The following BBS9 variants were observed in gnomAD, a reference collection of about 807,000 sequenced individuals.
The protein encoded by BBS9 is protein PTHB1.
A neutral mutation model predicts 117.7 loss-of-function variants in BBS9; 89 were observed. The ratio of observed to expected loss-of-function variants is 0.76; its 90% confidence interval spans 0.64 to 0.90. The LOEUF is 0.90. Among genes scored for constraint, BBS9 ranks in the 40% least tolerant of loss-of-function variants. BBS9 has a pLI of 0.00. For synonymous variants in BBS9, 379 were observed against 370.9 expected (o/e 1.02, Z -0.25); for missense variants, 982 against 1,042.2 (o/e 0.94, Z 0.80).
Position 33,152,818 on chromosome 7 carries a change from C to T in BBS9, c.230C>T (p.Pro77Leu), listed in dbSNP as rs1454089841. Residue 77 changes from proline to leucine, a missense_variant, in exon 3 of 23, where the codon CCA becomes CTA. Coordinates refer to ENST00000242067, the MANE Select transcript of BBS9 (RefSeq NM_198428.3). ...CTTCTAGAAGTGGATCTACGAGATC[C>T]AGTACTTCAAGTGGAAGTAGGAAAG... ...DLLLEVDLRD[P>L]VLQVEVGKFV... 4 of 1,613,786 alleles carry T rather than the reference C, an allele frequency of 2.5e-6. No homozygotes were observed. Among genetic ancestry groups the T allele is most frequent in the Non-Finnish European group, 3.4e-6 (4 of 1,179,960 alleles).
In BBS9 at chr7:33,240,640, A is replaced by G. The variant is rs530413238; in HGVS notation, c.443-16596A>G. ...AAGATAGTTTATTGAGTTCCATGAA[A>G]AAAATTGTTTTAGAATATTATTTGG... is the stretch of plus-strand genomic sequence containing the variant. On this transcript the variant is annotated intron_variant, in intron 5 of 22. Coordinates refer to ENST00000242067, the MANE Select transcript of BBS9 (RefSeq NM_198428.3). Among the ~76,000 whole-genome samples, 229 of 152,364 alleles carry G rather than the reference A, an allele frequency of 1.5e-3. 1 individual carries two copies. Among genetic ancestry groups the G allele is most frequent in the African/African-American group, 5.0e-3 (210 of 41,594 alleles).
At position 33,605,589 on chromosome 7, in the gene BBS9, T is replaced by C. The variant is rs1435321492; in HGVS notation, c.*363T>C. 1 of 290,192 alleles carries C rather than the reference T, an allele frequency of 3.4e-6. No individual in the cohort carries two copies. The highest frequency in any genetic ancestry group is 6.6e-6 in the Non-Finnish European group (1 of 152,088). 18.0% of individuals were successfully genotyped at this position (290,192 alleles called of 1,614,324 possible). ...CCCATTTTTTCACAGAATTCTTATATAGTAAATGTATCAAGTTTAATAAAG... is the reference window on the plus strand; with the variant it reads ...CCCATTTTTTCACAGAATTCTTATACAGTAAATGTATCAAGTTTAATAAAG... On this transcript the variant is annotated 3_prime_UTR_variant, in exon 23 of 23. Transcript: ENST00000242067.
intron 21 of BBS9, among the ~76,000 whole-genome samples, chr7:33,575,488 A>G (rs753532799): frequency 1.3e-5 from 2 of 152,174 alleles, no homozygotes; most frequent in Non-Finnish European, 2.9e-5. Context: ...TACAGAAAGG[A>G]GCTGTTACCA....
intron 5 of BBS9, among the ~76,000 whole-genome samples, chr7:33,206,971 T>C (rs1344602250): frequency 6.6e-6 from 1 of 152,064 alleles, no homozygotes; most frequent in Non-Finnish European, 1.5e-5. Context: ...TACCATTAAA[T>C]TTTTTTTCTC....
At chr7:33,598,933 T>C (rs557747346) in intron 21 of BBS9, among the ~76,000 whole-genome samples, 6 of 152,308 alleles carry the variant, frequency 3.9e-5, no homozygotes, top group African/African-American at 1.4e-4. Flanking sequence ...CCAACACCTG[T>C]TTTAGTAAAT....
At chr7:33,426,299 C>T (rs1833650299) in intron 19 of BBS9, among the ~76,000 whole-genome samples, 2 of 152,314 alleles carry the variant, frequency 1.3e-5, no homozygotes, top group South Asian at 2.1e-4. Context: ...TTGCTAAGCA[C>T]TTTACCTACA....
intron 5 of BBS9, among the ~76,000 whole-genome samples, chr7:33,179,870 A>G (rs76687041): frequency 1.1e-4 from 17 of 152,300 alleles, no homozygotes; most frequent in East Asian, 9.6e-4. Context: ...TGTTGGATAC[A>G]CTGAGTTCTC....
chr7:33,364,827 C>T (rs1436555409), intron 16 of BBS9, among the ~76,000 whole-genome samples: 1 of 150,840 alleles, frequency 6.6e-6, no homozygotes, highest in Non-Finnish European at 1.5e-5. Flanking sequence ...ATCCTGGGCT[C>T]AAGCAATCCT....
chr7:33,521,118 A>C (rs901797872), intron 20 of BBS9, among the ~76,000 whole-genome samples: 1 of 152,154 alleles, frequency 6.6e-6, no homozygotes, highest in African/African-American at 2.4e-5. Flanking sequence ...GCTTTGTTTT[A>C]AAACTCATTA....
At chr7:33,573,333 G>T (rs1314075520) in intron 21 of BBS9, among the ~76,000 whole-genome samples, 1 of 152,078 alleles carries the variant, frequency 6.6e-6, no homozygotes, top group Non-Finnish European at 1.5e-5. Flanking sequence ...AACGTACGAA[G>T]AAGTAAATGT....
chr7:33,151,501 C>T (rs545742905), intron 2 of BBS9, among the ~76,000 whole-genome samples: 1 of 152,178 alleles, frequency 6.6e-6, no homozygotes, highest in Middle Eastern at 3.4e-3. Context: ...CCTTGTAAGC[C>T]TCCAGTATTG....
At position 33,505,576 on chromosome 7, in the gene BBS9, G is replaced by A; in HGVS notation, c.2229G>A (p.Lys743=). 1 of 1,614,124 alleles carries A rather than the reference G, an allele frequency of 6.2e-7. No individual in the cohort carries two copies. The highest frequency in any genetic ancestry group is 8.5e-7 in the Non-Finnish European group (1 of 1,179,992). The stretch of plus-strand genomic sequence containing the variant: ...TTCTGCTGATCGCGCTGTGGCAGAA[G>A]CTTAGTGCTGACCAGGTTGCTATTC... ...LVILLIALWQ[K]LSADQVAILE... is the part of the protein sequence containing the mutation. Residue 743 remains lysine, a synonymous_variant, in exon 20 of 23, where the codon AAG becomes AAA. Transcript: ENST00000242067.
intron 7 of BBS9, among the ~76,000 whole-genome samples, chr7:33,266,026 CAGCCATATA>C (rs1170347612): frequency 6.6e-6 from 1 of 152,158 alleles, no homozygotes; most frequent in Non-Finnish European, 1.5e-5. Context: ...GTCTGCACTT[CAGCCATATA>C]GGGCCTCTCA....
intron 5 of BBS9, among the ~76,000 whole-genome samples, chr7:33,194,591 G>A (rs185219063): frequency 1.4e-3 from 206 of 152,280 alleles, no homozygotes; most frequent in African/African-American, 4.8e-3. Flanking sequence ...TGTGGATTCA[G>A]CAGTTCAGTT....
chr7:33,405,749 G>T (rs888376771), intron 19 of BBS9, among the ~76,000 whole-genome samples: 1 of 151,840 alleles, frequency 6.6e-6, no homozygotes, highest in African/African-American at 2.4e-5. Flanking sequence ...TTCTTTATTA[G>T]TCTTGCTAGC....
intron 5 of BBS9, among the ~76,000 whole-genome samples, chr7:33,248,388 A>G (rs1172947252): frequency 3.3e-5 from 5 of 152,208 alleles, no homozygotes; most frequent in Admixed American, 2.6e-4. Flanking sequence ...CAATAACAGA[A>G]TATGAGGGAG....
chr7:33,350,128 A>C (rs1282856211), intron 13 of BBS9, among the ~76,000 whole-genome samples: 1 of 152,182 alleles, frequency 6.6e-6, no homozygotes, highest in Non-Finnish European at 1.5e-5. Flanking sequence ...TCCTGTTAAG[A>C]TAATCTGAAC....
At chr7:33,173,381 C>CGTCT (rs1005572447) in intron 4 of BBS9, among the ~76,000 whole-genome samples, 2 of 151,766 alleles carry the variant, frequency 1.3e-5, no homozygotes, top group Non-Finnish European at 2.9e-5. Flanking sequence ...GAGATCGAGA[C>CGTCT]CATCCTGGCT....
At chr7:33,131,481 T>G (rs1789606447) in intron 1 of BBS9, among the ~76,000 whole-genome samples, 1 of 152,224 alleles carries the variant, frequency 6.6e-6, no homozygotes, top group East Asian at 1.9e-4. Context: ...AAAAGCAGTA[T>G]ACTTCTTTTG....
Sources: allele counts gnomAD v4.1 joint callset (sites outside exome capture counted in the v4.1 genomes callset), GRCh38; gene constraint gnomAD v4.1.1; transcripts MANE v1.5; gene names NCBI Gene and HGNC (gene_info 2026-07-23, HGNC 2026-07-21).